ZNF853: variants seen among roughly 807,000 people sequenced by gnomAD.
The protein encoded by ZNF853 is zinc finger protein 853.
A neutral mutation model predicts 94.7 loss-of-function variants in ZNF853; 57 were observed. That is an observed-to-expected ratio of 0.60 (90% confidence interval 0.49 to 0.75). The LOEUF (loss-of-function observed/expected upper bound fraction) is 0.75, where lower values mean the gene tolerates loss of function less well. Ranked by LOEUF, ZNF853 falls within the 30% of genes least tolerant of loss-of-function variation. The pLI, the probability that ZNF853 is intolerant of heterozygous loss-of-function variation, is 0.00. For synonymous variants in ZNF853, 448 were observed against 406.3 expected, an observed-to-expected ratio of 1.10 and a Z score of -1.23; for missense variants, 785 against 868.9, an observed-to-expected ratio of 0.90 and a Z score of 1.21.
rs769768991 is a variant in ZNF853 at position 6,617,209 on chromosome 7, G to T, written c.32G>T (p.Gly11Val). The change falls in exon 2 of 3, where the codon GGT (glycine) becomes GTT (valine). Residue 11 changes from glycine to valine, a missense_variant. By Grantham distance (109) the Gly-to-Val change is moderately radical. Coordinates refer to ENST00000457543, the MANE Select transcript of ZNF853 (RefSeq NM_017560.3). ...GCACAGCCGACTCCCGGGAATCGGG[G>T]TCTGACCGCCAGGATGGAAGTGGGG... MLHQPTPGNR[G>V]LTARMEVGPA... 2.7e-5 allele frequency: 41 copies of T among 1,539,892 alleles called. No individual in the cohort carries two copies. Among genetic ancestry groups the T allele is most frequent in the Non-Finnish European group, 3.5e-5 (40 of 1,141,980 alleles).
intron 2 of ZNF853, among the ~76,000 whole-genome samples, chr7:6,620,821 C>T: frequency 6.6e-6 from 1 of 152,168 alleles, no homozygotes; most frequent in Non-Finnish European, 1.5e-5. Flanking sequence ...GCCATGTTGC[C>T]CAGGCTGGTT....
chr7:6,620,719 T>C, intron 2 of ZNF853, among the ~76,000 whole-genome samples: 2 of 152,136 alleles, frequency 1.3e-5, no homozygotes, highest in African/African-American at 4.8e-5. Flanking sequence ...CCTCCTGAGT[T>C]CAAGTGATTC....
rs1782676115 is a variant in ZNF853 at position 6,623,163 on chromosome 7, G to C, written c.*192G>C. ...ACCAGGTTCACAGATTTCACCGCCA[G>C]AAAAATCCATCCGCCAAAAGAGAAG... On this transcript the variant is annotated 3_prime_UTR_variant, in exon 3 of 3. Coordinates refer to ENST00000457543, the MANE Select transcript of ZNF853 (RefSeq NM_017560.3). The C allele has an allele frequency of 5.8e-6, 3 of 515,530 alleles. No individual in the cohort carries two copies. The highest frequency in any genetic ancestry group is 9.0e-6 in the Non-Finnish European group (3 of 333,180). 31.9% of individuals were successfully genotyped at this position (515,530 alleles called of 1,614,324 possible).
intron 2 of ZNF853, 105 bp from the exon 3 acceptor site, chr7:6,621,017 T>C: frequency 7.3e-7 from 1 of 1,360,916 alleles, no homozygotes; most frequent in Non-Finnish European, 9.7e-7. Context: ...GCTAAGAGCG[T>C]GTTAGTGTAT....
In ZNF853 at chr7:6,617,668, A is replaced by G; in HGVS notation, c.130+361A>G. On this transcript the variant is annotated intron_variant, in intron 2 of 2. Coordinates refer to ENST00000457543, the MANE Select transcript of ZNF853 (RefSeq NM_017560.3). The stretch of plus-strand genomic sequence containing the variant: ...ATTTCCCGGATCCGATTCAGGTACT[A>G]ATAGGCTCTCTTCCTCTGCCCCTCC... 72 of 985,026 alleles carry G rather than the reference A, an allele frequency of 7.3e-5. No individual in the cohort carries two copies. The African/African-American group carries it at 1.0e-3, about 14-fold the overall frequency. The allele number at this position is 985,026 out of a possible 1,614,324, so 61.0% of individuals were successfully genotyped here.
chr7:6,620,439 C>T, intron 2 of ZNF853, among the ~76,000 whole-genome samples: 1 of 152,096 alleles, frequency 6.6e-6, no homozygotes, highest in African/African-American at 2.4e-5. Context: ...CAGGGAGCCC[C>T]CAGCATCCCT....
Position 6,619,809 on chromosome 7 carries a change from G to A in ZNF853, c.131-1313G>A. Among the ~76,000 whole-genome samples, 49 of 152,150 alleles carry A rather than the reference G, an allele frequency of 3.2e-4. No homozygotes were observed. In the East Asian group the frequency reaches 7.4e-3, roughly 23 times the overall value. On this transcript the variant is annotated intron_variant, in intron 2 of 2. Coordinates refer to ENST00000457543, the MANE Select transcript of ZNF853 (RefSeq NM_017560.3). ...AAAACGAGAATCTCATGGTGTACAC[G>A]GTGCGGAAAGAGAAGCGTAGTAACG...
chr7:6,617,442 T>C, intron 2 of ZNF853, 135 bp downstream of exon 2: 2 of 922,700 alleles, frequency 2.2e-6, no homozygotes, highest in Middle Eastern at 3.7e-4. Context: ...CCAGCAGCTC[T>C]CCCTTGAGAT....
intron 1 of ZNF853, among the ~76,000 whole-genome samples, chr7:6,616,650 G>C: frequency 1.3e-5 from 2 of 151,800 alleles, no homozygotes; most frequent in Non-Finnish European, 2.9e-5. Context: ...CAGGAGAATC[G>C]CTTGAACTGG....
chr7:6,619,826 G>C, intron 2 of ZNF853, among the ~76,000 whole-genome samples: 1 of 152,028 alleles, frequency 6.6e-6, no homozygotes, highest in Non-Finnish European at 1.5e-5. Flanking sequence ...AAAGAGAAGC[G>C]TAGTAACGGA....
In ZNF853 at chr7:6,621,892, C is replaced by A; in HGVS notation, c.901C>A (p.Gln301Lys). 1 of 1,550,956 alleles carries A rather than the reference C, an allele frequency of 6.4e-7. No individual in the cohort carries two copies. Among genetic ancestry groups the A allele is most frequent in the Non-Finnish European group, 8.7e-7 (1 of 1,146,708 alleles). ...QQQLLQQQQE[Q>K]LQQQQLQPPP... ...GCAGCTGTTGCAACAGCAGCAGGAA[C>A]AATTGCAGCAGCAACAACTGCAGCC... The change falls in exon 3 of 3, where the codon CAA becomes AAA. Residue 301 changes from glutamine to lysine, a missense_variant. Gln to Lys is a moderately conservative substitution (Grantham distance 53, BLOSUM62 1). Coordinates refer to ENST00000457543, the MANE Select transcript of ZNF853 (RefSeq NM_017560.3).
chr7:6,617,097 G>A, intron 1 of ZNF853, 93 bp from the exon 2 acceptor site: 7 of 959,170 alleles, frequency 7.3e-6, no homozygotes, highest in Non-Finnish European at 1.1e-5. Flanking sequence ...GGTGGCCCGA[G>A]GCAGAGGTGG....
chr7:6,621,718 T>C lies in ZNF853; in HGVS notation c.727T>C (p.Leu243=). The change falls in exon 3 of 3, where the codon TTG becomes CTG. Residue 243 remains leucine, a synonymous_variant. Coordinates refer to ENST00000457543, the MANE Select transcript of ZNF853 (RefSeq NM_017560.3). ...EQLQQQQQLL[L]LQQQGQLQQQ... ...GTTACAGCAGCAGCAGCAGCTACTA[T>C]TGCTGCAGCAGCAGGGACAGTTACA... The C allele has an allele frequency of 2.6e-6, 4 of 1,550,038 alleles. No individual in the cohort carries two copies. Among genetic ancestry groups the C allele is most frequent in the South Asian group, 1.2e-5 (1 of 84,000 alleles).
chr7:6,617,047 C>A, intron 1 of ZNF853, 143 bp from the exon 2 acceptor site: 1 of 537,814 alleles, frequency 1.9e-6, no homozygotes, highest in Non-Finnish European at 3.2e-6. Context: ...TTGCGGGGGA[C>A]AGTCCTATAG....
At chr7:6,616,221 G>A in intron 1 of ZNF853, 35 bp downstream of exon 1, 8 of 1,543,864 alleles carry the variant, frequency 5.2e-6, no homozygotes, top group East Asian at 2.5e-5. Context: ...CTGGGCAACC[G>A]GGGACGCGTC....
intron 2 of ZNF853, among the ~76,000 whole-genome samples, chr7:6,618,029 A>G: frequency 3.3e-5 from 5 of 152,062 alleles, no homozygotes; most frequent in Middle Eastern, 3.2e-3. Context: ...ACCGAGCATG[A>G]TGGCTCATTC....
chr7:6,621,789 G>T lies in ZNF853; in HGVS notation c.798G>T (p.Leu266=). 1 of 1,550,570 alleles carries T rather than the reference G, an allele frequency of 6.4e-7. No individual in the cohort carries two copies. The highest frequency in any genetic ancestry group is 8.7e-7 in the Non-Finnish European group (1 of 1,146,938). ...QQQQAQLQQQ[L]LEQQQAQLQQ... Reference sequence around the variant, plus strand: ...AGCAGGCACAGTTACAACAGCAGCTGCTGGAACAGCAGCAGGCACAGTTAC... The same window carrying T: ...AGCAGGCACAGTTACAACAGCAGCTTCTGGAACAGCAGCAGGCACAGTTAC... The change falls in exon 3 of 3, where the codon CTG becomes CTT. Residue 266 remains leucine (L), a synonymous_variant. Coordinates refer to ENST00000457543, the MANE Select transcript of ZNF853 (RefSeq NM_017560.3).
chr7:6,621,052 G>C, intron 2 of ZNF853, 70 bp from the exon 3 acceptor site: 8 of 1,450,366 alleles, frequency 5.5e-6, no homozygotes, highest in Non-Finnish European at 7.3e-6. Context: ...TAAGGGGCAG[G>C]TCCTGGGGTC....
chr7:6,615,998 A>AGCCCAGAGGGCGTGGACCCTCCGGAGT lies in ZNF853; in HGVS notation c.-169_-143dup, dbSNP rs1782497331. 5 of 543,728 alleles carry AGCCCAGAGGGCGTGGACCCTCCGGAGT rather than the reference A, an allele frequency of 9.2e-6. No individual in the cohort carries two copies. Among genetic ancestry groups the AGCCCAGAGGGCGTGGACCCTCCGGAGT allele is most frequent in the Non-Finnish European group, 1.6e-5 (5 of 306,338 alleles). The allele number at this position is 543,728 out of a possible 1,614,324, so 33.7% of individuals were successfully genotyped here. Reference sequence around the variant, plus strand: ...TCCCTTGGCCCAGGGCGACCTCGGCAGCCCAGAGGGCGTGGACCCTCCGGA... The same window carrying AGCCCAGAGGGCGTGGACCCTCCGGAGT: ...TCCCTTGGCCCAGGGCGACCTCGGCAGCCCAGAGGGCGTGGACCCTCCGGAGTGCCCAGAGGGCGTGGACCCTCCGGA... On this transcript the variant is annotated 5_prime_UTR_variant, in exon 1 of 3. Coordinates refer to ENST00000457543, the MANE Select transcript of ZNF853 (RefSeq NM_017560.3). The surrounding 1 kb of genome is among the most constrained non-coding windows in gnomAD (Gnocchi z 8.5).
Sources: gnomAD v4.1 joint callset for allele counts (sites outside exome capture counted in the v4.1 genomes callset) on GRCh38, gnomAD v4.1.1 for gene constraint, Gnocchi (gnomAD v3.1) non-coding constraint, MANE v1.5 for transcripts, NCBI Gene and HGNC (gene_info 2026-07-23, HGNC 2026-07-21) for gene names.